Variants in TAFA5 observed in about 807,000 individuals in gnomAD.
The protein encoded by TAFA5 is TAFA chemokine like family member 5, also known as chemokine-like protein TAFA-5.
TAFA5 carries 6 observed loss-of-function variants against 15.3 expected under a neutral mutation model. The ratio of observed to expected loss-of-function variants is 0.39; its 90% confidence interval spans 0.21 to 0.77. The LOEUF (loss-of-function observed/expected upper bound fraction) is 0.77. TAFA5 is among the 30% of genes least tolerant of loss of function. TAFA5 has a pLI of 0.41. For missense variants in TAFA5, 161 were observed against 193.1 expected (o/e 0.83, Z 0.98); for synonymous variants, 103 against 80.7 (o/e 1.28, Z -1.48).
intron 1 of TAFA5, among the ~76,000 whole-genome samples, chr22:48,494,858 G>A (rs1033238999): frequency 1.3e-5 from 2 of 152,204 alleles, no homozygotes; most frequent in Non-Finnish European, 2.9e-5. Context: ...CCTTCACCCC[G>A]GCGAATGTGG....
chr22:48,544,340 G>C (rs1229685985), intron 1 of TAFA5: 2 of 283,924 alleles, frequency 7.0e-6, no homozygotes, highest in Admixed American at 8.6e-5. Context: ...TATGGGAGGA[G>C]GCTGCACAGG....
At chr22:48,493,140 G>A (rs1928213682) in intron 1 of TAFA5, among the ~76,000 whole-genome samples, 1 of 152,202 alleles carries the variant, frequency 6.6e-6, no homozygotes, top group Admixed American at 6.5e-5. Context: ...GTCCTTGTGT[G>A]CAGCGTTGAA....
At chr22:48,631,349 G>T (rs1371011001) in intron 1 of TAFA5, among the ~76,000 whole-genome samples, 1 of 152,220 alleles carries the variant, frequency 6.6e-6, no homozygotes, top group Non-Finnish European at 1.5e-5. Context: ...GGCCACGCTG[G>T]ACACACGCCT....
At chr22:48,504,513 G>C (rs1041216039) in intron 1 of TAFA5, among the ~76,000 whole-genome samples, 2 of 150,896 alleles carry the variant, frequency 1.3e-5, no homozygotes, top group African/African-American at 5.0e-5. Context: ...TGGTGAGGCC[G>C]TGAGTCCGGG....
intron 3 of TAFA5, among the ~76,000 whole-genome samples, chr22:48,749,076 G>A (rs1162469143): frequency 1.3e-5 from 2 of 152,182 alleles, no homozygotes; most frequent in African/African-American, 2.4e-5. Flanking sequence ...AGATGGGACA[G>A]GGTCTGTGTC....
At chr22:48,734,111 A>C (rs1005190093) in intron 3 of TAFA5, among the ~76,000 whole-genome samples, 5 of 152,262 alleles carry the variant, frequency 3.3e-5, no homozygotes, top group African/African-American at 1.2e-4. Flanking sequence ...CTAATGATTT[A>C]ATTACAATAA....
At chr22:48,531,829 A>G (rs1305264052) in intron 1 of TAFA5, among the ~76,000 whole-genome samples, 1 of 152,206 alleles carries the variant, frequency 6.6e-6, no homozygotes, top group Non-Finnish European at 1.5e-5. Flanking sequence ...AAGAGACAGC[A>G]GGTGCCTCCC....
chr22:48,570,452 C>T (rs1020520907), intron 1 of TAFA5, among the ~76,000 whole-genome samples: 2 of 152,220 alleles, frequency 1.3e-5, no homozygotes, highest in African/African-American at 4.8e-5. Context: ...CCTCCTTCTT[C>T]CTGGCATCCA....
intron 2 of TAFA5, among the ~76,000 whole-genome samples, chr22:48,663,741 T>A (rs752639337): frequency 1.3e-5 from 2 of 152,342 alleles, no homozygotes; most frequent in African/African-American, 2.4e-5. Flanking sequence ...CCCTCCCTTT[T>A]CCTGGCATAT....
At chr22:48,612,438 C>T (rs148039455) in intron 1 of TAFA5, among the ~76,000 whole-genome samples, 9 of 152,238 alleles carry the variant, frequency 5.9e-5, no homozygotes, top group African/African-American at 2.2e-4. Flanking sequence ...GAGCGTGTGT[C>T]AAGGTGTCCC....
At chr22:48,622,240 TTATG>T (rs1226578457) in intron 1 of TAFA5, among the ~76,000 whole-genome samples, 4 of 151,980 alleles carry the variant, frequency 2.6e-5, no homozygotes, top group Non-Finnish European at 5.9e-5. Flanking sequence ...CCCAAAATAT[TTATG>T]TAGCCACGTT....
At chr22:48,724,499 T>C (rs1451407019) in intron 3 of TAFA5, among the ~76,000 whole-genome samples, 7 of 152,242 alleles carry the variant, frequency 4.6e-5, no homozygotes, top group African/African-American at 1.7e-4. Flanking sequence ...CGTGGCTTTC[T>C]GGATTAATGC....
At chr22:48,536,013 AC>A (rs371208670) in intron 1 of TAFA5, among the ~76,000 whole-genome samples, 12 of 150,388 alleles carry the variant, frequency 8.0e-5, no homozygotes, top group East Asian at 2.0e-4. Flanking sequence ...ACACAGACAC[AC>A]CCCCCCCAGG....
intron 1 of TAFA5, among the ~76,000 whole-genome samples, chr22:48,528,913 G>A (rs1252757928): frequency 1.3e-5 from 2 of 152,202 alleles, no homozygotes; most frequent in Non-Finnish European, 2.9e-5. Flanking sequence ...CTGGAGAAGG[G>A]AGGGGTAGCA....
intron 2 of TAFA5, among the ~76,000 whole-genome samples, chr22:48,667,686 A>G: frequency 6.6e-6 from 1 of 152,142 alleles, no homozygotes; most frequent in Non-Finnish European, 1.5e-5. Context: ...GCTTCTGGCC[A>G]CCAGGGCCAC....
chr22:48,696,719 A>C (rs139682463), intron 2 of TAFA5, among the ~76,000 whole-genome samples: 17 of 152,340 alleles, frequency 1.1e-4, no homozygotes, highest in South Asian at 4.1e-4. Flanking sequence ...GCTGCCTTCA[A>C]AATCTCTCAG....
intron 3 of TAFA5, among the ~76,000 whole-genome samples, chr22:48,719,177 G>C (rs1475577396): frequency 6.6e-6 from 1 of 152,168 alleles, no homozygotes; most frequent in African/African-American, 2.4e-5. Context: ...ACACCCGCAG[G>C]GGCTCTGCTT....
rs552578295 is a variant in TAFA5, at chr22:48,525,346, G to A, written c.112+35642G>A. On this transcript the variant is annotated intron_variant, in intron 1 of 3. Coordinates refer to ENST00000402357, the MANE Select transcript of TAFA5 (RefSeq NM_001082967.3). ...TGGAGACCTCCACACAGGGACCCTG[G>A]GATACGCTGAGGGCTTGGTCCACAC... Among the ~76,000 whole-genome samples the A allele has an allele frequency of 2.0e-5, 3 of 152,230 alleles. No homozygotes were observed. The South Asian group carries it at 6.2e-4, about 32-fold the overall frequency.
At chr22:48,636,650 G>C (rs1926461954) in intron 1 of TAFA5, among the ~76,000 whole-genome samples, 1 of 152,248 alleles carries the variant, frequency 6.6e-6, no homozygotes, top group Non-Finnish European at 1.5e-5. Context: ...GGAAATTGCT[G>C]TTCTGTCCTT....
Sources: gnomAD v4.1 joint callset for allele counts (sites outside exome capture counted in the v4.1 genomes callset) on GRCh38, gnomAD v4.1.1 for gene constraint, MANE v1.5 for transcripts, NCBI Gene and HGNC (gene_info 2026-07-23, HGNC 2026-07-21) for gene names.